The following CPVL variants were observed in gnomAD, a reference collection of about 807,000 sequenced individuals.
CPVL encodes the protein probable serine carboxypeptidase CPVL.
In CPVL, 51 loss-of-function variants were observed where a neutral mutation model predicts 63.7. That is an observed-to-expected ratio of 0.80 (90% CI 0.64 to 1.01). The LOEUF (loss-of-function observed/expected upper bound fraction) is 1.01, where lower values mean the gene tolerates loss of function less well. Among genes scored for constraint, CPVL ranks in the 50% least tolerant of loss-of-function variants. The probability of loss-of-function intolerance (pLI) is 0.00; values close to 1 mark genes in which losing one functional copy is unlikely to be tolerated. For synonymous variants in CPVL, 195 were observed against 206.0 expected, an observed-to-expected ratio of 0.95 and a Z score of 0.46; for missense variants, 530 against 573.1, an observed-to-expected ratio of 0.92 and a Z score of 0.77.
chr7:29,050,192 C>G (rs1342295891), intron 11 of CPVL, among the ~76,000 whole-genome samples: 1 of 152,026 alleles, frequency 6.6e-6, no homozygotes, highest in South Asian at 2.1e-4. Context: ...GCATCCAAAT[C>G]AGTAAAGAGG....
chr7:29,086,059 C>T lies in CPVL; in HGVS notation c.609+425G>A, dbSNP rs187556863. Reference sequence around the variant, plus strand: ...CTGTAATCCCAGCACTTTGGGAGGCCGAGGCGGGCAGATCATGAGGTCAGG... The same window carrying T: ...CTGTAATCCCAGCACTTTGGGAGGCTGAGGCGGGCAGATCATGAGGTCAGG... On this transcript the variant is annotated intron_variant, in intron 7 of 12. Transcript: ENST00000265394. Among the ~76,000 whole-genome samples the T allele has an allele frequency of 2.5e-4, 38 of 152,114 alleles. 1 individual carries two copies. In the East Asian group the frequency reaches 5.8e-3, roughly 23 times the overall value.
intron 2 of CPVL, among the ~76,000 whole-genome samples, chr7:29,119,093 A>G (rs371373202): frequency 1.3e-5 from 2 of 152,332 alleles, no homozygotes; most frequent in South Asian, 2.1e-4. Flanking sequence ...AGCTCCTCAG[A>G]ATAGCTACCT....
chr7:29,091,774 T>TC (rs779023706), intron 6 of CPVL, among the ~76,000 whole-genome samples: 3 of 151,918 alleles, frequency 2.0e-5, no homozygotes, highest in Admixed American at 6.6e-5. Flanking sequence ...CTTTCTTCTC[T>TC]CCCCCCGGCC....
At chr7:29,193,611 C>G (rs1238089821) in intron 1 of CPVL, 1 of 152,096 alleles carries the variant, frequency 6.6e-6, no homozygotes, top group Non-Finnish European at 1.5e-5. Flanking sequence ...GAGCGTGAAA[C>G]AGACTTAAAA....
intron 5 of CPVL, among the ~76,000 whole-genome samples, chr7:29,164,484 A>G (rs375864587): frequency 2.6e-5 from 4 of 151,906 alleles, no homozygotes; most frequent in African/African-American, 9.7e-5. Flanking sequence ...TTTTTTGAAG[A>G]GCAAAAGTGT....
Position 29,146,453 on chromosome 7 carries a change from G to C in CPVL, c.-35C>G, listed in dbSNP as rs1345061542. The C allele has an allele frequency of 1.5e-5, 21 of 1,374,418 alleles. No homozygotes were observed. Among genetic ancestry groups the C allele is most frequent in the Non-Finnish European group, 1.9e-5 (20 of 1,038,858 alleles). 85.1% of individuals were successfully genotyped at this position (1,374,418 alleles called of 1,614,324 possible). A position where few individuals can be genotyped will look rare whatever the true frequency, so the allele number is the denominator to read the frequency against. On this transcript the variant is annotated 5_prime_UTR_variant, in exon 1 of 13. Transcript: ENST00000265394. ...CGCGGCGCAGTCGGTGCTCCTCCCT[G>C]AGCCGCGGCGCGCAAGGACCCCAGC... is the stretch of plus-strand genomic sequence containing the variant.
intron 12 of CPVL, among the ~76,000 whole-genome samples, chr7:29,026,938 T>C (rs529232548): frequency 1.3e-5 from 2 of 152,272 alleles, no homozygotes; most frequent in African/African-American, 4.8e-5. Flanking sequence ...CAAACTCTTC[T>C]CAAACTAATT....
chr7:29,068,151 C>G (rs1229460847), intron 9 of CPVL, among the ~76,000 whole-genome samples: 2 of 151,790 alleles, frequency 1.3e-5, no homozygotes, highest in Non-Finnish European at 2.9e-5. Flanking sequence ...ATTAAAGGCG[C>G]CTGCCACCAC....
chr7:29,097,322 C>T (rs1786539772), intron 3 of CPVL, among the ~76,000 whole-genome samples: 1 of 152,204 alleles, frequency 6.6e-6, no homozygotes, highest in African/African-American at 2.4e-5. Context: ...GAGCTAAGTA[C>T]ACAGAACACT....
chr7:29,145,727 C>T (rs1792487020), intron 1 of CPVL: 1 of 152,140 alleles, frequency 6.6e-6, no homozygotes, highest in Admixed American at 6.5e-5. Flanking sequence ...CTCCATCTTT[C>T]AGATGGAAAG....
chr7:29,061,740 A>G (rs1791300451), intron 11 of CPVL, among the ~76,000 whole-genome samples: 2 of 152,208 alleles, frequency 1.3e-5, no homozygotes, highest in South Asian at 4.2e-4. Flanking sequence ...TGAGGTCAGA[A>G]GTTTGAGACC....
chr7:29,138,154 T>C (rs564928267), intron 1 of CPVL, among the ~76,000 whole-genome samples: 177 of 152,236 alleles, frequency 1.2e-3, no homozygotes, highest in Middle Eastern at 3.4e-3. Flanking sequence ...AATTAGAAGG[T>C]TGACTGGGAG....
chr7:29,035,898 C>A (rs558370335), intron 11 of CPVL, among the ~76,000 whole-genome samples: 1 of 152,256 alleles, frequency 6.6e-6, no homozygotes, highest in Admixed American at 6.5e-5. Flanking sequence ...AGCACATTAC[C>A]TAAGTAAAGG....
intron 11 of CPVL, among the ~76,000 whole-genome samples, chr7:29,052,489 C>T (rs552932665): frequency 3.0e-4 from 40 of 131,972 alleles, no homozygotes; most frequent in African/African-American, 9.7e-4. Flanking sequence ...TGAAAGAAAA[C>T]ACAAATTGGA....
upstream of CPVL, among the ~76,000 whole-genome samples, chr7:29,147,609 C>T (rs1792939855): frequency 6.6e-6 from 1 of 152,166 alleles, no homozygotes; most frequent in Non-Finnish European, 1.5e-5. Context: ...AAAGTATGTG[C>T]TCAGTGACTG....
intron 12 of CPVL, among the ~76,000 whole-genome samples, chr7:29,017,263 A>G (rs2128140018): frequency 6.6e-6 from 1 of 152,280 alleles, no homozygotes; most frequent in Non-Finnish European, 1.5e-5. Flanking sequence ...TTAATATCAC[A>G]AGTTCCCCGA....
intron 5 of CPVL, among the ~76,000 whole-genome samples, chr7:29,169,837 C>T (rs557023839): frequency 6.6e-6 from 1 of 150,998 alleles, no homozygotes; most frequent in African/African-American, 2.4e-5. Context: ...TATATATATA[C>T]ACACATATAT....
intron 12 of CPVL, among the ~76,000 whole-genome samples, chr7:29,014,071 T>C (rs923380180): frequency 1.3e-5 from 2 of 152,210 alleles, no homozygotes; most frequent in African/African-American, 4.8e-5. Context: ...TTTGCCTCAG[T>C]GCCTGCTTTT....
intron 1 of CPVL, among the ~76,000 whole-genome samples, chr7:29,187,361 G>A (rs1195357422): frequency 6.6e-6 from 1 of 152,018 alleles, no homozygotes; most frequent in Non-Finnish European, 1.5e-5. Context: ...GTGTGTGTGT[G>A]TGTGACAAAG....
Sources: allele counts gnomAD v4.1 joint callset (sites outside exome capture counted in the v4.1 genomes callset), GRCh38; gene constraint gnomAD v4.1.1; transcripts MANE v1.5; gene names NCBI Gene and HGNC (gene_info 2026-07-23, HGNC 2026-07-21).